RBM20: variants seen among roughly 807,000 people sequenced by gnomAD.
RBM20 encodes the protein RNA binding motif protein 20, also known as RNA-binding protein 20.
Under a neutral mutation model 110.1 loss-of-function variants are expected in RBM20, and 51 were observed. That is an observed-to-expected ratio of 0.46 (90% confidence interval 0.37 to 0.59). RBM20 has a LOEUF of 0.59. RBM20 is among the 20% of genes least tolerant of loss of function. The pLI, the probability that RBM20 is intolerant of heterozygous loss-of-function variation, is 0.00. For missense variants in RBM20, 1,512 were observed against 1,574.9 expected (o/e 0.96, Z 0.68); for synonymous variants, 589 against 618.2 (o/e 0.95, Z 0.70).
intron 1 of RBM20, among the ~76,000 whole-genome samples, chr10:110,670,292 G>T (rs931819331): frequency 2.6e-5 from 4 of 152,194 alleles, no homozygotes; most frequent in African/African-American, 7.2e-5. Flanking sequence ...TTTTAGAGTA[G>T]ATTCAAGAAA....
chr10:110,676,600 G>A (rs948255641), intron 1 of RBM20, among the ~76,000 whole-genome samples: 11 of 152,164 alleles, frequency 7.2e-5, no homozygotes, highest in Non-Finnish European at 1.6e-4. Flanking sequence ...ATGACATTCT[G>A]CAATTGTAGA....
chr10:110,804,672 G>C (rs892577623), intron 7 of RBM20, among the ~76,000 whole-genome samples: 5 of 152,296 alleles, frequency 3.3e-5, no homozygotes, highest in African/African-American at 1.2e-4. Flanking sequence ...AAATCTGAAG[G>C]AACAACAAAA....
rs140225412 is a variant in RBM20, at chr10:110,703,847, C to T, written c.191+59202C>T. On this transcript the variant is annotated intron_variant, in intron 1 of 13. Coordinates refer to ENST00000369519, the MANE Select transcript of RBM20 (RefSeq NM_001134363.3). ...TGAAATCAGGCCAGGCATGGTGGCT[C>T]ATGCCTATAATCCCAGCATTTTGGG... 1.4e-4 allele frequency among the ~76,000 whole-genome samples: 21 copies of T among 152,344 alleles called. No homozygotes were observed. In the East Asian group the frequency reaches 3.5e-3, roughly 25 times the overall value.
intron 11 of RBM20, among the ~76,000 whole-genome samples, chr10:110,822,677 G>A (rs12774821): frequency 6.6e-6 from 1 of 152,182 alleles, no homozygotes; most frequent in African/African-American, 2.4e-5. Context: ...TAGCACACCA[G>A]AGGTTGAAGT....
Position 110,713,620 on chromosome 10 carries a change from G to A in RBM20, c.192-67181G>A, listed in dbSNP as rs188123391. Among the ~76,000 whole-genome samples the A allele has an allele frequency of 2.9e-3, 435 of 152,204 alleles. 6 individuals are homozygous for A. Among genetic ancestry groups the A allele is most frequent in the African/African-American group, 9.7e-3 (401 of 41,514 alleles). Reference sequence around the variant, plus strand: ...TTATTATCTAAATATATGCATTACTGGCAAATTAAAGAATAAATGGACAAA... The same window carrying A: ...TTATTATCTAAATATATGCATTACTAGCAAATTAAAGAATAAATGGACAAA... On this transcript the variant is annotated intron_variant, in intron 1 of 13. Transcript: ENST00000369519.
At chr10:110,674,136 G>A (rs1862299451) in intron 1 of RBM20, among the ~76,000 whole-genome samples, 1 of 152,104 alleles carries the variant, frequency 6.6e-6, no homozygotes, top group Non-Finnish European at 1.5e-5. Context: ...TCAGGTGGGT[G>A]GGAAGTAATA....
chr10:110,764,855 C>A (rs1844058383), intron 1 of RBM20, among the ~76,000 whole-genome samples: 2 of 152,196 alleles, frequency 1.3e-5, no homozygotes, highest in Admixed American at 1.3e-4. Flanking sequence ...TCCTACCTTT[C>A]CCCAGCACAA....
intron 1 of RBM20, among the ~76,000 whole-genome samples, chr10:110,780,506 G>A (rs996417006): frequency 1.3e-5 from 2 of 152,062 alleles, no homozygotes; most frequent in Non-Finnish European, 2.9e-5. Context: ...AACACGGAGT[G>A]CCATTTTAAA....
intron 1 of RBM20, among the ~76,000 whole-genome samples, chr10:110,740,918 T>C (rs1843718561): frequency 6.6e-6 from 1 of 152,194 alleles, no homozygotes; most frequent in South Asian, 2.1e-4. Flanking sequence ...TGGTGTTGGA[T>C]GCTTCTGTCC....
intron 1 of RBM20, among the ~76,000 whole-genome samples, chr10:110,659,211 G>A (rs888721053): frequency 1.3e-5 from 2 of 152,188 alleles, no homozygotes; most frequent in African/African-American, 4.8e-5. Flanking sequence ...TGTTTTATTT[G>A]GACTGCCTGT....
chr10:110,796,873 C>G (rs561524968), intron 5 of RBM20, among the ~76,000 whole-genome samples: 43 of 152,324 alleles, frequency 2.8e-4, no homozygotes, highest in Admixed American at 9.8e-4. Flanking sequence ...GACATTCAGG[C>G]TGTTCCCCCA....
At position 110,644,431 on chromosome 10, in the gene RBM20, G is replaced by C. The variant is rs995016754; in HGVS notation, c.-24G>C. Reference sequence around the variant, plus strand: ...CCCCTCCCTTGAGCTCTCTCGCCGCGATCCCGGGCGGGTCTCGCCCCGCAT... The same window carrying C: ...CCCCTCCCTTGAGCTCTCTCGCCGCCATCCCGGGCGGGTCTCGCCCCGCAT... On this transcript the variant is annotated 5_prime_UTR_variant, in exon 1 of 14. Coordinates refer to ENST00000369519, the MANE Select transcript of RBM20 (RefSeq NM_001134363.3). This position sits in a 1 kb window ranked among gnomAD's most constrained non-coding sequence, Gnocchi z 4.3. 4.1e-6 allele frequency: 6 copies of C among 1,451,198 alleles called. No homozygotes were observed. In the Admixed American group the frequency reaches 1.3e-4, roughly 32 times the overall value. The allele number at this position is 1,451,198 out of a possible 1,614,324, so 89.9% of individuals were successfully genotyped here.
In RBM20 at chr10:110,836,056, T is replaced by C; in HGVS notation, c.*78T>C. On this transcript the variant is annotated 3_prime_UTR_variant, in exon 14 of 14. Transcript: ENST00000369519. Reference sequence around the variant, plus strand: ...TGCTGAAGTGGGGCCTTCCTGATTCTGGGGACAGGACTAAAGCCTGAGAGG... The same window carrying C: ...TGCTGAAGTGGGGCCTTCCTGATTCCGGGGACAGGACTAAAGCCTGAGAGG... The C allele has an allele frequency of 9.4e-6, 6 of 641,458 alleles. No individual in the cohort carries two copies. The highest frequency in any genetic ancestry group is 1.7e-5 in the Non-Finnish European group (6 of 358,550). The allele number at this position is 641,458 out of a possible 1,614,324, so 39.7% of individuals were successfully genotyped here. A position where few individuals can be genotyped will look rare whatever the true frequency, so the allele number is the denominator to read the frequency against.
chr10:110,803,751 T>C (rs1403575756), intron 7 of RBM20, among the ~76,000 whole-genome samples: 1 of 124,414 alleles, frequency 8.0e-6, no homozygotes, highest in South Asian at 2.6e-4. Context: ...TTGATATGAA[T>C]CAGCTGCCAC....
intron 1 of RBM20, among the ~76,000 whole-genome samples, chr10:110,646,642 C>G (rs2134797231): frequency 6.6e-6 from 1 of 152,352 alleles, no homozygotes; most frequent in South Asian, 2.1e-4. Context: ...CCTTAGTACC[C>G]ACTGAAATTC....
intron 1 of RBM20, among the ~76,000 whole-genome samples, chr10:110,777,230 G>T (rs1844277709): frequency 6.6e-6 from 1 of 152,174 alleles, no homozygotes; most frequent in Non-Finnish European, 1.5e-5. Context: ...TTAACCCAAG[G>T]CACAGGATGT....
chr10:110,791,698 G>A (rs376985248), intron 5 of RBM20, among the ~76,000 whole-genome samples: 7 of 152,282 alleles, frequency 4.6e-5, no homozygotes, highest in Admixed American at 3.9e-4. Context: ...TGCAGCCCCC[G>A]CATGTGAAAA....
chr10:110,728,672 G>A (rs75944123), intron 1 of RBM20, among the ~76,000 whole-genome samples: 4,133 of 152,176 alleles, frequency 0.027, 187 homozygotes, highest in African/African-American at 0.095. Context: ...TTTGTGTGGT[G>A]CTCTCAACCT....
chr10:110,833,065 T>C (rs1459914414), intron 13 of RBM20, among the ~76,000 whole-genome samples: 1 of 152,146 alleles, frequency 6.6e-6, no homozygotes, highest in East Asian at 1.9e-4. Context: ...TCCCAAACCT[T>C]CTTCTTTGTA....
Sources: allele counts gnomAD v4.1 joint callset (sites outside exome capture counted in the v4.1 genomes callset), GRCh38; gene constraint gnomAD v4.1.1; non-coding constraint Gnocchi (gnomAD v3.1); transcripts MANE v1.5; gene names NCBI Gene and HGNC (gene_info 2026-07-23, HGNC 2026-07-21).